Variants in ZNF37A observed in about 807,000 individuals in gnomAD.
ZNF37A encodes zinc finger protein 37a (KOX 21).
Under a neutral mutation model 12.3 loss-of-function variants are expected in ZNF37A, and 10 were observed. That is an observed-to-expected ratio of 0.82 (90% CI 0.50 to 1.38). ZNF37A has a LOEUF of 1.38. Among genes scored for constraint, ZNF37A ranks in the 40% most tolerant of loss-of-function variants. The pLI, the probability that ZNF37A is intolerant of heterozygous loss-of-function variation, is 0.00. For missense variants in ZNF37A, 580 were observed against 651.2 expected, an observed-to-expected ratio of 0.89 and a Z score of 1.19; for synonymous variants, 207 against 223.0, an observed-to-expected ratio of 0.93 and a Z score of 0.64.
chr10:38,143,170 G>A (rs1481097921), intron 7 of ZNF37A: 1 of 152,160 alleles, frequency 6.6e-6, no homozygotes, highest in African/African-American at 2.4e-5. Context: ...TTCTGGCAGG[G>A]GTTCTGCACT....
At chr10:38,127,871 T>A (rs1323356032), downstream of ZNF37A, among the ~76,000 whole-genome samples, 1 of 152,192 alleles carries the variant, frequency 6.6e-6, no homozygotes, top group African/African-American at 2.4e-5. Flanking sequence ...ATGAAAGAAC[T>A]GCATTTTCAG....
chr10:38,100,470 A>G (rs2067475482), intron 5 of ZNF37A, among the ~76,000 whole-genome samples: 1 of 152,174 alleles, frequency 6.6e-6, no homozygotes, highest in African/African-American at 2.4e-5. Flanking sequence ...CTATAGGCCT[A>G]TTCCCCCAGG....
chr10:38,129,042 G>A (rs556982559), downstream of ZNF37A, among the ~76,000 whole-genome samples: 2 of 151,910 alleles, frequency 1.3e-5, no homozygotes, highest in Admixed American at 1.3e-4. Flanking sequence ...GTGAGCCACC[G>A]CATCTGGCCA....
chr10:38,100,948 C>T (rs1228242332), intron 5 of ZNF37A, among the ~76,000 whole-genome samples: 1 of 152,178 alleles, frequency 6.6e-6, no homozygotes, highest in Non-Finnish European at 1.5e-5. Flanking sequence ...CGTTCTTCTG[C>T]CTTGGCTGCA....
rs2069826584 is a variant in ZNF37A, at chr10:38,123,384, A to G, written c.*4547A>G. 6.6e-6 allele frequency: 1 copy of G among 152,226 alleles called. No homozygotes were observed. The highest frequency in any genetic ancestry group is 1.5e-5 in the Non-Finnish European group (1 of 68,046). The allele number at this position is 152,226 out of a possible 1,614,324, so 9.4% of individuals were successfully genotyped here. A position where few individuals can be genotyped will look rare whatever the true frequency, so the allele number is the denominator to read the frequency against. On this transcript the variant is annotated 3_prime_UTR_variant, in exon 8 of 8. Transcript: ENST00000685332. ...CAGTTTCTATAAATTTAATATTTCA[A>G]TAAAACTCCCAGTATTTATTGTTAA...
intron 5 of ZNF37A, among the ~76,000 whole-genome samples, chr10:38,111,085 AAT>A (rs2135966304): frequency 6.6e-6 from 1 of 152,328 alleles, no homozygotes; most frequent in East Asian, 1.9e-4. Flanking sequence ...AACCAACCCA[AAT>A]GCCCATCAGT....
chr10:38,133,984 G>GC (rs1308991452), intron 7 of ZNF37A, among the ~76,000 whole-genome samples: 1 of 152,062 alleles, frequency 6.6e-6, no homozygotes, highest in Non-Finnish European at 1.5e-5. Context: ...TTGTTCATTT[G>GC]TTTTTACTCT....
downstream of ZNF37A, among the ~76,000 whole-genome samples, chr10:38,130,105 A>G (rs2070000339): frequency 6.6e-6 from 1 of 152,154 alleles, no homozygotes. Context: ...TATTCCAGGT[A>G]CGGCATGTAG....
intron 5 of ZNF37A, among the ~76,000 whole-genome samples, chr10:38,105,965 G>A (rs908426078): frequency 7.8e-6 from 1 of 128,722 alleles, no homozygotes; most frequent in African/African-American, 3.0e-5. Context: ...CAATTTGAAT[G>A]TCTTTTATTT....
At chr10:38,097,836 T>C (rs2472181) in intron 5 of ZNF37A, among the ~76,000 whole-genome samples, 62,448 of 151,832 alleles carry the variant, frequency 0.41, 13,036 homozygotes, top group East Asian at 0.5. Flanking sequence ...TTTTAAAGTA[T>C]AGAATTCAAT....
chr10:38,148,700 C>T (rs1324570619), exon 8 of ZNF37A: 1 of 152,246 alleles, frequency 6.6e-6, no homozygotes, highest in Non-Finnish European at 1.5e-5. Flanking sequence ...ATGTCTTAGC[C>T]AGCTGCAGCC....
chr10:38,112,448 T>C lies in ZNF37A; in HGVS notation c.16-2307T>C, dbSNP rs559931544. Among the ~76,000 whole-genome samples, 3 of 152,190 alleles carry C rather than the reference T, an allele frequency of 2.0e-5. No individual in the cohort carries two copies. The East Asian group carries it at 5.8e-4, about 30-fold the overall frequency. ...TTTATATCCTACTGCTCAGGGTCATTTCAAGGTCTGATTGCAAAAATTAAA... is the reference window on the plus strand; with the variant it reads ...TTTATATCCTACTGCTCAGGGTCATCTCAAGGTCTGATTGCAAAAATTAAA... On this transcript the variant is annotated intron_variant, in intron 5 of 7. Transcript: ENST00000685332.
intron 5 of ZNF37A, among the ~76,000 whole-genome samples, chr10:38,113,354 A>G (rs2068982926): frequency 6.6e-6 from 1 of 151,282 alleles, no homozygotes; most frequent in Non-Finnish European, 1.5e-5. Flanking sequence ...CTGGGATTAC[A>G]GGCGTCCACA....
chr10:38,146,767 T>A (rs2070260296), exon 8 of ZNF37A: 1 of 398,300 alleles, frequency 2.5e-6, no homozygotes, highest in African/African-American at 2.1e-5. Context: ...TGGGCCTGCA[T>A]GGATTTGTGC....
downstream of ZNF37A, among the ~76,000 whole-genome samples, chr10:38,128,448 A>T (rs184567334): frequency 6.6e-6 from 1 of 152,310 alleles, no homozygotes; most frequent in East Asian, 1.9e-4. Context: ...TTGAGTACTC[A>T]GTCCTAGTAC....
Position 38,119,471 on chromosome 10 carries a change from A to G in ZNF37A, c.*634A>G. The G allele has an allele frequency of 1.1e-6, 1 of 873,394 alleles. No individual in the cohort carries two copies. Among genetic ancestry groups the G allele is most frequent in the Non-Finnish European group, 1.4e-6 (1 of 727,904 alleles). 54.1% of individuals were successfully genotyped at this position (873,394 alleles called of 1,614,324 possible). A position where few individuals can be genotyped will look rare whatever the true frequency, so the allele number is the denominator to read the frequency against. ...GTGAACATCAGATAGTAGAGAAAGTATTTTTAACTGTATCCAATGTGTGGA... is the reference window on the plus strand; with the variant it reads ...GTGAACATCAGATAGTAGAGAAAGTGTTTTTAACTGTATCCAATGTGTGGA... On this transcript the variant is annotated 3_prime_UTR_variant, in exon 8 of 8. Transcript: ENST00000685332.
intron 7 of ZNF37A, among the ~76,000 whole-genome samples, chr10:38,145,075 C>T (rs960357743): frequency 1.3e-5 from 2 of 152,076 alleles, no homozygotes; most frequent in African/African-American, 4.8e-5. Context: ...AATGCAAATC[C>T]CTTCTCACTC....
At chr10:38,140,467 G>A (rs2070167188) in intron 7 of ZNF37A, 1 of 152,112 alleles carries the variant, frequency 6.6e-6, no homozygotes, top group African/African-American at 2.4e-5. Context: ...GTTAGAAAGG[G>A]TACAAGACTA....
intron 5 of ZNF37A, among the ~76,000 whole-genome samples, chr10:38,100,576 G>A (rs1194383988): frequency 2.6e-5 from 4 of 152,116 alleles, no homozygotes; most frequent in Non-Finnish European, 4.4e-5. Context: ...GCTCTGTTCC[G>A]CTTGGCTCAC....
Sources: gnomAD v4.1 joint callset for allele counts (sites outside exome capture counted in the v4.1 genomes callset) on GRCh38, gnomAD v4.1.1 for gene constraint, MANE v1.5 for transcripts, NCBI Gene and HGNC (gene_info 2026-07-23, HGNC 2026-07-21) for gene names.